Variants in PAPPA2 observed in about 807,000 individuals in gnomAD.
PAPPA2 encodes the protein pappalysin 2.
A neutral mutation model predicts 176.4 loss-of-function variants in PAPPA2; 86 were observed. The ratio of observed to expected loss-of-function variants is 0.49; its 90% CI spans 0.41 to 0.58. The LOEUF is 0.58. PAPPA2 is among the 20% of genes least tolerant of loss of function. PAPPA2 has a pLI of 0.00. For missense variants in PAPPA2, 2,073 were observed against 2,256.9 expected (o/e 0.92, Z 1.65); for synonymous variants, 809 against 852.2 (o/e 0.95, Z 0.88).
chr1:176,790,954 A>T (rs1665149072), intron 18 of PAPPA2, among the ~76,000 whole-genome samples: 1 of 152,188 alleles, frequency 6.6e-6, no homozygotes. Flanking sequence ...GTCTTGAAAA[A>T]ATCTGACATT....
rs1421638731 is a variant in PAPPA2 at position 176,510,650 on chromosome 1, G to T, written c.-916-44757G>T. Among the ~76,000 whole-genome samples the T allele has an allele frequency of 2.6e-5, 4 of 151,216 alleles. No homozygotes were observed. The East Asian group carries it at 7.7e-4, about 29-fold the overall frequency. On this transcript the variant is annotated intron_variant, in intron 1 of 22. Transcript: ENST00000367662. ...TTCAAAAGATAACTGAAGCAAAAAC[G>T]GCAGTCGTTTTATAGTTTATAATAC...
At chr1:176,599,957 GT>G (rs1431777152) in intron 3 of PAPPA2, among the ~76,000 whole-genome samples, 1 of 152,058 alleles carries the variant, frequency 6.6e-6, no homozygotes, top group African/African-American at 2.4e-5. Flanking sequence ...TATTTTGTGT[GT>G]AGGTCTTTTC....
At chr1:176,618,242 T>G (rs2102687636) in intron 3 of PAPPA2, among the ~76,000 whole-genome samples, 1 of 152,286 alleles carries the variant, frequency 6.6e-6, no homozygotes, top group Admixed American at 6.5e-5. Flanking sequence ...TAGATTGAAT[T>G]TTATGACCTC....
At chr1:176,471,797 A>G (rs1165572937) in intron 1 of PAPPA2, among the ~76,000 whole-genome samples, 1 of 152,130 alleles carries the variant, frequency 6.6e-6, no homozygotes, top group African/African-American at 2.4e-5. Context: ...TGTACAATGT[A>G]TTTGTTACTC....
At chr1:176,759,013 C>T (rs1663568203) in intron 14 of PAPPA2, among the ~76,000 whole-genome samples, 1 of 152,228 alleles carries the variant, frequency 6.6e-6, no homozygotes, top group Admixed American at 6.5e-5. Context: ...CAGGGGCAAG[C>T]CAAGACCAGA....
At chr1:176,785,703 C>T (rs1296203584) in intron 17 of PAPPA2, among the ~76,000 whole-genome samples, 2 of 152,098 alleles carry the variant, frequency 1.3e-5, no homozygotes, top group Non-Finnish European at 2.9e-5. Flanking sequence ...GGGCCTGTCT[C>T]GTTGTCTGGG....
intron 17 of PAPPA2, among the ~76,000 whole-genome samples, chr1:176,784,076 C>T (rs1664827676): frequency 6.6e-6 from 1 of 152,142 alleles, no homozygotes; most frequent in South Asian, 2.1e-4. Context: ...GGGTAAATCG[C>T]TTCATGGTTA....
intron 21 of PAPPA2, among the ~76,000 whole-genome samples, chr1:176,820,177 C>T (rs1438715915): frequency 7.2e-5 from 11 of 152,084 alleles, no homozygotes; most frequent in Non-Finnish European, 1.6e-4. Flanking sequence ...ATTTTGAAAA[C>T]ATGGACTTGC....
Position 176,842,542 on chromosome 1 carries a change from G to A in PAPPA2, c.*88G>A. 2 of 1,168,074 alleles carry A rather than the reference G, an allele frequency of 1.7e-6. No individual in the cohort carries two copies. Among genetic ancestry groups the A allele is most frequent in the Non-Finnish European group, 2.5e-6 (2 of 797,204 alleles). 72.4% of individuals were successfully genotyped at this position (1,168,074 alleles called of 1,614,324 possible). A position where few individuals can be genotyped will look rare whatever the true frequency, so the allele number is the denominator to read the frequency against. On this transcript the variant is annotated 3_prime_UTR_variant, in exon 23 of 23. Transcript: ENST00000367662. ...GAGGAAACAAAGGGTGAATGAAGAA[G>A]AACAATCATGAAATGGAAGAAGGAG...
chr1:176,687,643 G>T (rs1659904023), intron 4 of PAPPA2, among the ~76,000 whole-genome samples: 1 of 152,120 alleles, frequency 6.6e-6, no homozygotes, highest in Admixed American at 6.6e-5. Context: ...AATTGAAGGA[G>T]ATCACAAAAG....
intron 1 of PAPPA2, among the ~76,000 whole-genome samples, chr1:176,534,665 A>G (rs2102556781): frequency 6.6e-6 from 1 of 152,316 alleles, no homozygotes; most frequent in Admixed American, 6.5e-5. Flanking sequence ...AGTATATGAG[A>G]GGTGTGTGCT....
intron 14 of PAPPA2, among the ~76,000 whole-genome samples, chr1:176,755,437 C>T (rs1158362942): frequency 6.6e-6 from 1 of 152,220 alleles, no homozygotes; most frequent in African/African-American, 2.4e-5. Flanking sequence ...GTCTGAAGCT[C>T]ATGCCCATTA....
At chr1:176,616,488 G>T in intron 3 of PAPPA2, 1 of 825,868 alleles carries the variant, frequency 1.2e-6, no homozygotes. Context: ...GCAATTAACA[G>T]CAATATAACA....
chr1:176,742,880 G>T (rs754417166), intron 14 of PAPPA2, among the ~76,000 whole-genome samples: 4 of 152,094 alleles, frequency 2.6e-5, no homozygotes, highest in Non-Finnish European at 5.9e-5. Flanking sequence ...ACAGATGCCT[G>T]CCAGTAGAAT....
At chr1:176,639,113 C>T (rs1472277500) in intron 3 of PAPPA2, among the ~76,000 whole-genome samples, 4 of 151,956 alleles carry the variant, frequency 2.6e-5, no homozygotes, top group Admixed American at 6.6e-5. Flanking sequence ...TTCTTTTTAG[C>T]TTGTCAAGAG....
chr1:176,817,606 C>A (rs749557913), intron 21 of PAPPA2, among the ~76,000 whole-genome samples: 5 of 151,826 alleles, frequency 3.3e-5, no homozygotes, highest in Non-Finnish European at 7.4e-5. Flanking sequence ...AAGAAGTAAT[C>A]ATTGAAAGCT....
At chr1:176,559,267 G>A (rs774231808) in intron 2 of PAPPA2, among the ~76,000 whole-genome samples, 1 of 152,192 alleles carries the variant, frequency 6.6e-6, no homozygotes, top group Non-Finnish European at 1.5e-5. Flanking sequence ...AAATCAAAGT[G>A]TCCCTTGTGG....
At chr1:176,570,909 C>G (rs1283241648) in intron 2 of PAPPA2, among the ~76,000 whole-genome samples, 7 of 152,088 alleles carry the variant, frequency 4.6e-5, no homozygotes, top group Non-Finnish European at 7.4e-5. Flanking sequence ...CATCTCCTCT[C>G]CTGACCCTGC....
chr1:176,560,808 C>A (rs975696238), intron 2 of PAPPA2, among the ~76,000 whole-genome samples: 7 of 152,214 alleles, frequency 4.6e-5, no homozygotes, highest in Non-Finnish European at 8.8e-5. Context: ...TTCCTCCTCA[C>A]CCATAATTGA....
Sources: allele counts gnomAD v4.1 joint callset (sites outside exome capture counted in the v4.1 genomes callset), GRCh38; gene constraint gnomAD v4.1.1; transcripts MANE v1.5; gene names NCBI Gene and HGNC (gene_info 2026-07-23, HGNC 2026-07-21).